The following PLK4 variants were observed in gnomAD, a reference collection of about 807,000 sequenced individuals.
PLK4 encodes serine/threonine-protein kinase PLK4.
Under a neutral mutation model 103.0 loss-of-function variants are expected in PLK4, and 51 were observed. The observed-to-expected ratio is 0.50, with a 90% CI of 0.40 to 0.63. PLK4 has a LOEUF of 0.63. Among genes scored for constraint, PLK4 ranks in the 20% least tolerant of loss-of-function variants. The pLI is 0.00. For synonymous variants in PLK4, 389 were observed against 376.8 expected (o/e 1.03, Z -0.38); for missense variants, 1,054 against 1,151.0 (o/e 0.92, Z 1.22).
intron 6 of PLK4, among the ~76,000 whole-genome samples, chr4:127,888,085 C>A (rs1735205533): frequency 7.6e-6 from 1 of 131,982 alleles, no homozygotes; most frequent in African/African-American, 2.8e-5. Context: ...ATGGCTGAGG[C>A]ACAAGAATCG....
intron 2 of PLK4, among the ~76,000 whole-genome samples, chr4:127,882,759 CA>C (rs76701166): frequency 1.7e-4 from 25 of 146,494 alleles, no homozygotes; most frequent in East Asian, 4.0e-4. Flanking sequence ...ATTCCCATCT[CA>C]AAAAAAAAAA....
In PLK4 at chr4:127,890,179, A is replaced by G. The variant is rs779420213; in HGVS notation, c.1773A>G (p.Thr591=). The part of the protein sequence containing the change: ...GYQNRTLRSI[T]SPLVAHRLKP... Reference sequence around the variant, plus strand: ...AGAATCGTACATTAAGAAGCATTACATCTCCGTTGGTTGCTCACAGGTTAA... The same window carrying G: ...AGAATCGTACATTAAGAAGCATTACGTCTCCGTTGGTTGCTCACAGGTTAA... The change falls in exon 7 of 16, where the codon ACA becomes ACG. Residue 591 remains threonine, a synonymous_variant. Coordinates refer to ENST00000270861, the MANE Select transcript of PLK4 (RefSeq NM_014264.5). 7 of 1,613,740 alleles carry G rather than the reference A, an allele frequency of 4.3e-6. No homozygotes were observed. The East Asian group carries it at 6.7e-5, about 15-fold the overall frequency.
rs756376278 is a variant in PLK4 at position 127,893,855 on chromosome 4, A to C, written c.2536A>C (p.Thr846Pro). Residue 846 changes from threonine to proline, a missense_variant, in exon 13 of 16, where the codon ACA becomes CCA. By Grantham distance (38) the Thr-to-Pro change is conservative. Coordinates refer to ENST00000270861, the MANE Select transcript of PLK4 (RefSeq NM_014264.5). ...GGTCATGCATAGTGCTGCTTCTCCA[A>C]CACAGGCACCAATCCTTAATCCCTC... is the stretch of plus-strand genomic sequence containing the variant. The part of the protein sequence containing the change: ...RMVMHSAASP[T>P]QAPILNPSMV... The C allele has an allele frequency of 1.3e-4, 201 of 1,590,932 alleles. No homozygotes were observed. Among genetic ancestry groups the C allele is most frequent in the Non-Finnish European group, 1.7e-4 (195 of 1,159,494 alleles).
intron 9 of PLK4, chr4:127,891,907 G>T (rs981375183): frequency 1.4e-5 from 4 of 279,474 alleles, no homozygotes; most frequent in Non-Finnish European, 2.6e-5. Context: ...ACTAACTCTA[G>T]AACATTAGTC....
At chr4:127,881,225 C>A in intron 1 of PLK4, 61 bp downstream of exon 1, 3 of 1,611,622 alleles carry the variant, frequency 1.9e-6, no homozygotes, top group Non-Finnish European at 2.5e-6. Context: ...GGACACGAGA[C>A]CGCTGTGGGA....
chr4:127,883,239 A>G lies in PLK4; in HGVS notation c.127-23A>G, dbSNP rs1734994682. ...GCAGTTTATATTTGAAAGTCTGTCA[A>G]CATTTAAACCTGTTATTTTTAGATA... On this transcript the variant is annotated intron_variant, in intron 2 of 15. Coordinates refer to ENST00000270861, the MANE Select transcript of PLK4 (RefSeq NM_014264.5). 5 of 1,213,030 alleles carry G rather than the reference A, an allele frequency of 4.1e-6. No individual in the cohort carries two copies. In the African/African-American group the frequency reaches 4.6e-5, roughly 11 times the overall value. 75.1% of individuals were successfully genotyped at this position (1,213,030 alleles called of 1,614,324 possible).
Position 127,886,454 on chromosome 4 carries a change from C to A in PLK4, c.1084C>A (p.Gln362Lys), listed in dbSNP as rs745427114. Residue 362 changes from glutamine (Q) to lysine (K), a missense_variant, in exon 5 of 16, where the codon CAA becomes AAA. Coordinates refer to ENST00000270861, the MANE Select transcript of PLK4 (RefSeq NM_014264.5). ...TSNSGRGRVI[Q>K]DAEERPHSRY... The stretch of plus-strand genomic sequence containing the variant: ...TAATAGTGGAAGGGGAAGAGTAATT[C>A]AAGATGCAGAAGAAAGGCCACATTC... 6.2e-7 allele frequency: 1 copy of A among 1,613,926 alleles called. No homozygotes were observed. The highest frequency in any genetic ancestry group is 8.5e-7 in the Non-Finnish European group (1 of 1,179,964).
At chr4:127,892,101 T>C (rs1735383093) in intron 9 of PLK4, 1 of 268,564 alleles carries the variant, frequency 3.7e-6, no homozygotes, top group Non-Finnish European at 6.9e-6. Flanking sequence ...TCACCATGTA[T>C]GTGGCTTTTG....
At chr4:127,881,391 C>T in intron 1 of PLK4, 1 of 1,423,632 alleles carries the variant, frequency 7.0e-7, no homozygotes, top group Non-Finnish European at 9.1e-7. Context: ...CCCCGCCCGG[C>T]AGTGTCCCGA....
At position 127,893,581 on chromosome 4, in the gene PLK4, C is replaced by T; in HGVS notation, c.2391C>T (p.Pro797=). ...SEEERKTRSA[P]FFPIIIGRKP... ...AGGAAAGGAAAACTAGGAGTGCTCCCTTTTTCCCAATAATCATAGGAAGGT... is the reference window on the plus strand; with the variant it reads ...AGGAAAGGAAAACTAGGAGTGCTCCTTTTTTCCCAATAATCATAGGAAGGT... Residue 797 remains proline, a synonymous_variant, in exon 12 of 16, where the codon CCC becomes CCT. Transcript: ENST00000270861. 6.2e-7 allele frequency: 1 copy of T among 1,611,816 alleles called. No homozygotes were observed.
intron 6 of PLK4, 72 bp from the exon 7 acceptor site, chr4:127,889,792 CAG>C: frequency 3.7e-6 from 4 of 1,068,232 alleles, no homozygotes; most frequent in Non-Finnish European, 5.4e-6. Context: ...CTATTACAAT[CAG>C]AGTGACGTTA....
chr4:127,896,700 C>A, intron 14 of PLK4, 101 bp from the exon 15 acceptor site: 1 of 593,172 alleles, frequency 1.7e-6, no homozygotes, highest in Non-Finnish European at 3.0e-6. Context: ...AATATTAATA[C>A]AGAACCACAA....
At chr4:127,892,639 A>G in intron 10 of PLK4, 125 bp downstream of exon 10, 2 of 672,618 alleles carry the variant, frequency 3.0e-6, no homozygotes, top group Non-Finnish European at 5.0e-6. Flanking sequence ...CTATACATAT[A>G]AATTGCACAG....
At position 127,881,123 on chromosome 4, in the gene PLK4, G is replaced by C. The variant is rs1459646568; in HGVS notation, c.-12G>C. Reference sequence around the variant, plus strand: ...AAGCTAATCCGGAGAACCCAGGCCAGAGCCTGGAAATATGGCGACCTGCAT... The same window carrying C: ...AAGCTAATCCGGAGAACCCAGGCCACAGCCTGGAAATATGGCGACCTGCAT... On this transcript the variant is annotated 5_prime_UTR_variant, in exon 1 of 16. Transcript: ENST00000270861. The C allele has an allele frequency of 1.9e-6, 3 of 1,613,860 alleles. No individual in the cohort carries two copies. Among genetic ancestry groups the C allele is most frequent in the East Asian group, 2.2e-5 (1 of 44,872 alleles).
At position 127,893,333 on chromosome 4, in the gene PLK4, CAG is replaced by C; in HGVS notation, c.2238_2239del (p.Gly747GlufsTer8). On this transcript the variant is annotated frameshift_variant, in exon 11 of 16. Coordinates refer to ENST00000270861, the MANE Select transcript of PLK4 (RefSeq NM_014264.5). LOFTEE classifies it high-confidence loss of function. Reference sequence around the variant, plus strand: ...GATTTCATTCAGGTGATTGAAAAGACAGGGAAGTCTTACACTTTAAAAAGTGA... The same window carrying C: ...GATTTCATTCAGGTGATTGAAAAGACGGAAGTCTTACACTTTAAAAAGTGA... 1 of 1,598,890 alleles carries C rather than the reference CAG, an allele frequency of 6.3e-7. No individual in the cohort carries two copies. Among genetic ancestry groups the C allele is most frequent in the Non-Finnish European group, 8.5e-7 (1 of 1,170,316 alleles).
chr4:127,897,156 G>T (rs1735599579), intron 15 of PLK4, among the ~76,000 whole-genome samples: 1 of 152,116 alleles, frequency 6.6e-6, no homozygotes, highest in Admixed American at 6.5e-5. Context: ...TAGCCTTACT[G>T]TTCCATAGTG....
At chr4:127,885,665 A>G (rs763003691) in intron 4 of PLK4, 43 bp from the exon 5 acceptor site, 60 of 1,460,102 alleles carry the variant, frequency 4.1e-5, no homozygotes, top group Non-Finnish European at 5.2e-5. Flanking sequence ...TGAATCTTCC[A>G]GAGTTTCTAA....
chr4:127,881,914 T>C lies in PLK4; in HGVS notation c.114T>C (p.Val38=). Residue 38 remains valine (V), a synonymous_variant, in exon 2 of 16, where the codon GTT becomes GTC. Coordinates refer to ENST00000270861, the MANE Select transcript of PLK4 (RefSeq NM_014264.5). ...RAESIHTGLE[V]AIKMIDKKAM... ...AGTCCATTCACACTGGTTTGGAAGTTGCAATCAAAATGGTAAGAATAAACT... is the reference window on the plus strand; with the variant it reads ...AGTCCATTCACACTGGTTTGGAAGTCGCAATCAAAATGGTAAGAATAAACT... 6.3e-7 allele frequency: 1 copy of C among 1,582,198 alleles called. No individual in the cohort carries two copies.
chr4:127,895,891 C>G (rs1358509771), intron 14 of PLK4, among the ~76,000 whole-genome samples: 1 of 152,008 alleles, frequency 6.6e-6, no homozygotes, highest in Admixed American at 6.6e-5. Context: ...AAGCAAGACC[C>G]CATCTTTTTT....
Sources: allele counts gnomAD v4.1 joint callset (sites outside exome capture counted in the v4.1 genomes callset), GRCh38; gene constraint gnomAD v4.1.1; transcripts MANE v1.5; gene names NCBI Gene and HGNC (gene_info 2026-07-23, HGNC 2026-07-21).